The following AGRN variants were observed in gnomAD, a reference collection of about 807,000 sequenced individuals.
AGRN encodes agrin proteoglycan.
A neutral mutation model predicts 211.0 loss-of-function variants in AGRN; 106 were observed. The ratio of observed to expected loss-of-function variants is 0.50; its 90% confidence interval spans 0.43 to 0.59. The LOEUF is 0.59. Ranked by LOEUF, AGRN falls within the 20% of genes least tolerant of loss-of-function variation. AGRN has a pLI of 0.00. For missense variants in AGRN, 3,040 were observed against 2,982.6 expected (o/e 1.02, Z -0.45); for synonymous variants, 1,525 against 1,332.5 (o/e 1.14, Z -3.15).
chr1:1,028,320 G>GCACCCCCCCCCC (rs779617012), intron 2 of AGRN, among the ~76,000 whole-genome samples: 4 of 105,092 alleles, frequency 3.8e-5, no homozygotes, highest in African/African-American at 1.2e-4. Context: ...GTGGGGAAAC[G>GCACCCCCCCCCC]CCCCCCCCCC....
In AGRN at chr1:1,049,593, C is replaced by T. The variant is rs937680674; in HGVS notation, c.4542C>T (p.Ala1514=). 22 of 1,590,370 alleles carry T rather than the reference C, an allele frequency of 1.4e-5. No individual in the cohort carries two copies. Among genetic ancestry groups the T allele is most frequent in the African/African-American group, 1.2e-4 (9 of 74,610 alleles). Residue 1514 remains alanine (A), a synonymous_variant, in exon 26 of 36, where the codon GCC becomes GCT. Coordinates refer to ENST00000379370, the MANE Select transcript of AGRN (RefSeq NM_198576.4). ...CGCTGGAGCGGACCTTCGTGGGCGC[C>T]GGCCTGAGGGGGTGCATCCGTTTGC... is the stretch of plus-strand genomic sequence containing the variant. The part of the protein sequence containing the change: ...AVALERTFVG[A]GLRGCIRLLD...
intron 6 of AGRN, 93 bp from the exon 7 acceptor site, chr1:1,041,863 G>A (rs1053190480): frequency 6.4e-7 from 1 of 1,573,418 alleles, no homozygotes; most frequent in Non-Finnish European, 8.7e-7. Context: ...TCCCCTCTGG[G>A]AGGGCCGCCT....
At position 1,041,505 on chromosome 1, in the gene AGRN, C is replaced by T. The variant is rs774941993; in HGVS notation, c.980C>T (p.Pro327Leu). Reference protein sequence around the residue: ...CDPCQGALPDPSRSCRVNPRT... With the variant: ...CDPCQGALPDLSRSCRVNPRT... The stretch of plus-strand genomic sequence containing the variant: ...CCCTGTCAGGGCGCCCTCCCTGACC[C>T]GAGCCGCAGCTGCCGTGTGAACCCG... Residue 327 changes from proline (P) to leucine (L), a missense_variant, in exon 6 of 36, where the codon CCG becomes CTG. Physicochemically the swap from Pro to Leu is moderately conservative, Grantham distance 98 (BLOSUM62 -3). Coordinates refer to ENST00000379370, the MANE Select transcript of AGRN (RefSeq NM_198576.4). The T allele has an allele frequency of 3.8e-6, 6 of 1,598,240 alleles. No individual in the cohort carries two copies. The highest frequency in any genetic ancestry group is 4.5e-5 in the East Asian group (2 of 44,660).
Position 1,045,804 on chromosome 1 carries a change from C to A in AGRN, c.2608C>A (p.Pro870Thr). ...GATGACGGGGCTGTGCTCGTGTAAG[C>A]CCGGGGTGGCTGGACCCAAGTGTGG... ...EQMTGLCSCK[P>T]GVAGPKCGQC... Residue 870 changes from proline to threonine, a missense_variant, in exon 15 of 36, where the codon CCC becomes ACC. Around this residue, in one of 3 missense-constraint regions of AGRN, gnomAD observed 1,498 missense variants for 1,457.8 expected, o/e 1.03. Coordinates refer to ENST00000379370, the MANE Select transcript of AGRN (RefSeq NM_198576.4). 1 of 1,613,102 alleles carries A rather than the reference C, an allele frequency of 6.2e-7. No homozygotes were observed. The highest frequency in any genetic ancestry group is 8.5e-7 in the Non-Finnish European group (1 of 1,179,936).
At chr1:1,039,165 G>T (rs1644868751) in intron 3 of AGRN, among the ~76,000 whole-genome samples, 2 of 152,222 alleles carry the variant, frequency 1.3e-5, no homozygotes. Flanking sequence ...TGAGCAGCCT[G>T]GCTGTAAGAC....
Position 1,051,589 on chromosome 1 carries a change from A to G in AGRN, c.5507A>G (p.Glu1836Gly), listed in dbSNP as rs1004406269. The stretch of plus-strand genomic sequence containing the variant: ...AATGGGGCCTCCTGCGTCCCGAGGG[A>G]GGCTGCCTATGTGTGCCTGTGTCCC... ...CLNGASCVPR[E>G]AAYVCLCPGG... The change falls in exon 32 of 36, where the codon GAG (glutamate) becomes GGG (glycine). Residue 1836 changes from glutamate to glycine, a missense_variant. Transcript: ENST00000379370. 6.2e-7 allele frequency: 1 copy of G among 1,602,540 alleles called. No individual in the cohort carries two copies.
rs757463188 is a variant in AGRN at position 1,046,673 on chromosome 1, C to T, written c.3188C>T (p.Thr1063Ile). The change falls in exon 18 of 36, where the codon ACT becomes ATT. Residue 1063 changes from threonine to isoleucine, a missense_variant. Coordinates refer to ENST00000379370, the MANE Select transcript of AGRN (RefSeq NM_198576.4). Reference protein sequence around the residue: ...VASAFGESGSTDGSSDEELSG... With the variant: ...VASAFGESGSIDGSSDEELSG... ...TCCGCCTTTGGTGAATCTGGCAGCACTGATGGAAGCAGCGATGAGGAACTG... is the reference window on the plus strand; with the variant it reads ...TCCGCCTTTGGTGAATCTGGCAGCATTGATGGAAGCAGCGATGAGGAACTG... The T allele has an allele frequency of 1.9e-6, 3 of 1,590,300 alleles. No individual in the cohort carries two copies. The South Asian group carries it at 3.3e-5, about 18-fold the overall frequency.
chr1:1,055,058 T>C lies in AGRN; in HGVS notation c.*77T>C. On this transcript the variant is annotated 3_prime_UTR_variant, in exon 36 of 36. Coordinates refer to ENST00000379370, the MANE Select transcript of AGRN (RefSeq NM_198576.4). The stretch of plus-strand genomic sequence containing the variant: ...TTGTTGCTTTTTGATATGATTTTCT[T>C]GCCTGAGTGTTGGCCGGAGGGACTG... The C allele has an allele frequency of 6.5e-7, 1 of 1,532,710 alleles. No individual in the cohort carries two copies. 94.9% of individuals were successfully genotyped at this position (1,532,710 alleles called of 1,614,324 possible).
At chr1:1,029,568 C>A (rs1644605129) in intron 2 of AGRN, among the ~76,000 whole-genome samples, 1 of 152,102 alleles carries the variant, frequency 6.6e-6, no homozygotes, top group Non-Finnish European at 1.5e-5. Context: ...GCTGGGCAGG[C>A]CAGGAATACC....
intron 28 of AGRN, 25 bp downstream of exon 28, chr1:1,050,354 A>G: frequency 6.2e-7 from 1 of 1,612,566 alleles, no homozygotes; most frequent in Non-Finnish European, 8.5e-7. Context: ...AGCAGGGGGA[A>G]GGGCCGGCCC....
chr1:1,047,529 C>T (rs745789621), intron 20 of AGRN, 44 bp from the exon 21 acceptor site: 18 of 1,612,366 alleles, frequency 1.1e-5, no homozygotes, highest in East Asian at 2.2e-5. Flanking sequence ...CAGGGCAGCC[C>T]GGCTTGGGCG....
chr1:1,055,893 G>GGC lies in AGRN; in HGVS notation c.*913_*914dup, dbSNP rs1277071635. The GGC allele has an allele frequency of 6.6e-6, 1 of 152,318 alleles. No homozygotes were observed. Among genetic ancestry groups the GGC allele is most frequent in the Non-Finnish European group, 1.5e-5 (1 of 68,120 alleles). 9.4% of individuals were successfully genotyped at this position (152,318 alleles called of 1,614,324 possible). ...AGCCAGTGTCTGACCAAGGTCAAGG[G>GGC]GCAGGTGCAGAGGTGGCAGGGATGG... On this transcript the variant is annotated 3_prime_UTR_variant, in exon 36 of 36. Coordinates refer to ENST00000379370, the MANE Select transcript of AGRN (RefSeq NM_198576.4).
rs1180551433 is a variant in AGRN at position 1,054,820 on chromosome 1, G to A, written c.5981-4G>A. The A allele has an allele frequency of 6.4e-7, 1 of 1,555,018 alleles. No individual in the cohort carries two copies. The stretch of plus-strand genomic sequence containing the variant: ...CCGGGTGACTCCCACTGTCTGTGCT[G>A]CAGGGGGCCTGCCGGAGCTGCCCGT... On this transcript the variant is annotated splice_polypyrimidine_tract_variant and splice_region_variant and intron_variant, in intron 35 of 35. Coordinates refer to ENST00000379370, the MANE Select transcript of AGRN (RefSeq NM_198576.4).
chr1:1,035,166 CGGTG>C, intron 2 of AGRN, 107 bp from the exon 3 acceptor site: 1 of 1,012,476 alleles, frequency 9.9e-7, no homozygotes, highest in Non-Finnish European at 1.4e-6. Context: ...CTGGGGCTAG[CGGTG>C]GGGGGGGGGG....
In AGRN at chr1:1,032,916, C is replaced by T. The variant is rs994675656; in HGVS notation, c.464-2361C>T. On this transcript the variant is annotated intron_variant, in intron 2 of 35. Transcript: ENST00000379370. This position sits in a 1 kb window ranked among gnomAD's most constrained non-coding sequence, Gnocchi z 4.7. Reference sequence around the variant, plus strand: ...GGACTCTAGGGGATGGTGCACACACCGGACCGGACGGGCCCCTCCCTTACC... The same window carrying T: ...GGACTCTAGGGGATGGTGCACACACTGGACCGGACGGGCCCCTCCCTTACC... Among the ~76,000 whole-genome samples the T allele has an allele frequency of 1.3e-5, 2 of 152,030 alleles. No homozygotes were observed. Among genetic ancestry groups the T allele is most frequent in the African/African-American group, 4.8e-5 (2 of 41,390 alleles).
Position 1,022,418 on chromosome 1 carries a change from G to T in AGRN, c.419G>T (p.Arg140Leu), listed in dbSNP as rs760191021. The part of the protein sequence containing the change: ...NELMLNSSLM[R>L]ITLRNLEEVE... ...CTGATGCTCAACTCCAGCCTCATGC[G>T]GATCACCCTGCGGAACCTGGAGGAG... Residue 140 changes from arginine to leucine, a missense_variant, in exon 2 of 36, where the codon CGG becomes CTG. Physicochemically the swap from Arg to Leu is moderately radical, Grantham distance 102. Coordinates refer to ENST00000379370, the MANE Select transcript of AGRN (RefSeq NM_198576.4). 6.2e-7 allele frequency: 1 copy of T among 1,613,050 alleles called. No homozygotes were observed. Among genetic ancestry groups the T allele is most frequent in the Non-Finnish European group, 8.5e-7 (1 of 1,179,704 alleles).
chr1:1,043,968 C>T lies in AGRN; in HGVS notation c.1944C>T (p.Ala648=), dbSNP rs535437903. 6.9e-6 allele frequency: 11 copies of T among 1,605,798 alleles called. No individual in the cohort carries two copies. The highest frequency in any genetic ancestry group is 4.5e-5 in the East Asian group (2 of 44,760). ...TYGSACELRE[A]ACLQQTQIEE... The stretch of plus-strand genomic sequence containing the variant: ...GCAGTGCCTGCGAGCTACGGGAAGC[C>T]GCCTGCCTCCAGCAGACACAGATCG... The change falls in exon 10 of 36, where the codon GCC becomes GCT. Residue 648 remains alanine (A), a synonymous_variant. Coordinates refer to ENST00000379370, the MANE Select transcript of AGRN (RefSeq NM_198576.4).
chr1:1,021,014 G>A (rs1644390543), intron 1 of AGRN, among the ~76,000 whole-genome samples: 1 of 152,096 alleles, frequency 6.6e-6, no homozygotes, highest in African/African-American at 2.4e-5. Context: ...GGGAGCCCCC[G>A]GGGTAGGTAC....
chr1:1,042,415 T>A (rs1345911349), intron 7 of AGRN, among the ~76,000 whole-genome samples: 2 of 151,934 alleles, frequency 1.3e-5, no homozygotes, highest in Non-Finnish European at 1.5e-5. Flanking sequence ...TCCCTGGGAG[T>A]CCTCTGGCCT....
Sources: gnomAD v4.1 joint callset for allele counts (sites outside exome capture counted in the v4.1 genomes callset) on GRCh38, gnomAD v4.1.1 for gene constraint, gnomAD v4.1.1 regional missense constraint, Gnocchi (gnomAD v3.1) non-coding constraint, MANE v1.5 for transcripts, NCBI Gene and HGNC (gene_info 2026-07-23, HGNC 2026-07-21) for gene names.